Variants in CABCOCO1 observed in about 807,000 individuals in gnomAD.
The protein encoded by CABCOCO1 is ciliary-associated calcium-binding coiled-coil protein 1.
CABCOCO1 carries 28 observed loss-of-function variants against 35.7 expected under a neutral mutation model. The observed-to-expected ratio is 0.78, with a 90% CI of 0.58 to 1.07. The LOEUF (loss-of-function observed/expected upper bound fraction) is 1.07, where lower values mean the gene tolerates loss of function less well. CABCOCO1 is among the 50% of genes least tolerant of loss of function. The pLI, the probability that CABCOCO1 is intolerant of heterozygous loss-of-function variation, is 0.00. For missense variants in CABCOCO1, 326 were observed against 309.2 expected, an observed-to-expected ratio of 1.05 and a Z score of -0.41; for synonymous variants, 95 against 100.1, an observed-to-expected ratio of 0.95 and a Z score of 0.30.
chr10:61,734,559 G>GT (rs1841373761), intron 5 of CABCOCO1, among the ~76,000 whole-genome samples: 1 of 152,006 alleles, frequency 6.6e-6, no homozygotes, highest in Non-Finnish European at 1.5e-5. Context: ...AAACCAGGAA[G>GT]TTTTACGCAG....
chr10:61,765,864 T>C (rs1842097178), intron 7 of CABCOCO1, 75 bp from the exon 8 acceptor site: 3 of 1,362,142 alleles, frequency 2.2e-6, no homozygotes, highest in Non-Finnish European at 3.1e-6. Flanking sequence ...CACTATAGTA[T>C]GTCAAAACCA....
At chr10:61,663,703 A>G (rs1321098449) in intron 1 of CABCOCO1, among the ~76,000 whole-genome samples, 1 of 152,206 alleles carries the variant, frequency 6.6e-6, no homozygotes, top group Non-Finnish European at 1.5e-5. Context: ...CTGTGTGACA[A>G]AAGGTTGATC....
intron 1 of CABCOCO1, among the ~76,000 whole-genome samples, chr10:61,668,676 T>C (rs1214960330): frequency 2.6e-5 from 4 of 152,048 alleles, no homozygotes; most frequent in Non-Finnish European, 4.4e-5. Flanking sequence ...TTAACTATTC[T>C]AAGGAATTAC....
At chr10:61,671,089 G>C (rs944353462) in intron 1 of CABCOCO1, among the ~76,000 whole-genome samples, 1 of 152,206 alleles carries the variant, frequency 6.6e-6, no homozygotes, top group African/African-American at 2.4e-5. Context: ...CACTTTGGGA[G>C]GCTGAGGCGG....
chr10:61,663,065 G>T (rs1312109928), intron 1 of CABCOCO1, 33 bp downstream of exon 1: 1 of 238,186 alleles, frequency 4.2e-6, no homozygotes, highest in Non-Finnish European at 9.6e-6. Flanking sequence ...CGGTACCGGT[G>T]CCGGTACCAG....
At chr10:61,692,897 C>T (rs967648730) in intron 5 of CABCOCO1, among the ~76,000 whole-genome samples, 1 of 152,012 alleles carries the variant, frequency 6.6e-6, no homozygotes, top group African/African-American at 2.4e-5. Flanking sequence ...GAATATAATC[C>T]TATCTCATCT....
intron 5 of CABCOCO1, among the ~76,000 whole-genome samples, chr10:61,728,254 A>G (rs1470857290): frequency 6.6e-6 from 1 of 152,180 alleles, no homozygotes; most frequent in Non-Finnish European, 1.5e-5. Context: ...TCCCTTAAAT[A>G]TATAAAGTTA....
intron 4 of CABCOCO1, among the ~76,000 whole-genome samples, chr10:61,688,374 C>T (rs2099877461): frequency 6.6e-6 from 1 of 152,100 alleles, no homozygotes; most frequent in Non-Finnish European, 1.5e-5. Flanking sequence ...ACTTAACTGA[C>T]AATAAAATGG....
At chr10:61,699,067 G>A (rs1840370558) in intron 5 of CABCOCO1, among the ~76,000 whole-genome samples, 1 of 152,124 alleles carries the variant, frequency 6.6e-6, no homozygotes, top group African/African-American at 2.4e-5. Context: ...TGCTGGAAGA[G>A]AAGATCATAC....
At chr10:61,747,457 A>G (rs1841687189) in intron 5 of CABCOCO1, among the ~76,000 whole-genome samples, 1 of 152,104 alleles carries the variant, frequency 6.6e-6, no homozygotes, top group Admixed American at 6.6e-5. Context: ...TCCTGGGGCA[A>G]TGACGATAAT....
intron 5 of CABCOCO1, among the ~76,000 whole-genome samples, chr10:61,732,507 C>A (rs1841326549): frequency 6.6e-6 from 1 of 151,932 alleles, no homozygotes; most frequent in East Asian, 1.9e-4. Flanking sequence ...AAAGTTAAGC[C>A]CTGCTGATAT....
chr10:61,680,652 TTATGTTATACATGTATAACATATA>T (rs1839729516), intron 2 of CABCOCO1, among the ~76,000 whole-genome samples: 2 of 38,046 alleles, frequency 5.3e-5, no homozygotes, highest in Admixed American at 5.2e-4. Context: ...ATAATATATA[TTATGTTATACATGTATAACATATA>T]TGTTATACAT....
chr10:61,676,844 G>A (rs1310609216), intron 2 of CABCOCO1, among the ~76,000 whole-genome samples: 1 of 151,762 alleles, frequency 6.6e-6, no homozygotes, highest in Non-Finnish European at 1.5e-5. Flanking sequence ...GGCGGATCAT[G>A]AGGTCAGGAG....
intron 5 of CABCOCO1, among the ~76,000 whole-genome samples, chr10:61,749,221 C>G (rs1034649944): frequency 4.6e-5 from 7 of 152,294 alleles, no homozygotes; most frequent in Admixed American, 6.5e-5. Context: ...AAGCACATTA[C>G]AGTGCACAGT....
intron 5 of CABCOCO1, among the ~76,000 whole-genome samples, chr10:61,732,569 A>C (rs17196476): frequency 0.4 from 61,152 of 151,856 alleles, 14,400 homozygotes; most frequent in Middle Eastern, 0.54. Flanking sequence ...CCTTTTGGCA[A>C]AACTGAAAAA....
At chr10:61,765,290 T>C (rs1315129483) in intron 7 of CABCOCO1, among the ~76,000 whole-genome samples, 2 of 152,202 alleles carry the variant, frequency 1.3e-5, no homozygotes, top group Non-Finnish European at 2.9e-5. Context: ...TTTATGGAAT[T>C]GTGCAGGTAG....
chr10:61,729,765 G>A (rs539734049), intron 5 of CABCOCO1, among the ~76,000 whole-genome samples: 1 of 152,182 alleles, frequency 6.6e-6, no homozygotes, highest in South Asian at 2.1e-4. Flanking sequence ...TACATACAAT[G>A]GAATATTACT....
chr10:61,678,794 T>C (rs566342949), intron 2 of CABCOCO1, among the ~76,000 whole-genome samples: 2 of 152,236 alleles, frequency 1.3e-5, no homozygotes, highest in South Asian at 2.1e-4. Flanking sequence ...AGGCCCATCA[T>C]AGAACAATAA....
At chr10:61,732,146 A>G (rs1841317845) in intron 5 of CABCOCO1, among the ~76,000 whole-genome samples, 1 of 152,122 alleles carries the variant, frequency 6.6e-6, no homozygotes, top group Non-Finnish European at 1.5e-5. Flanking sequence ...CTTTAAATCT[A>G]CTTTTTGAAT....
Sources: gnomAD v4.1 joint callset for allele counts (sites outside exome capture counted in the v4.1 genomes callset) on GRCh38, gnomAD v4.1.1 for gene constraint, MANE v1.5 for transcripts, NCBI Gene and HGNC (gene_info 2026-07-23, HGNC 2026-07-21) for gene names.